MYO15B: variants seen among roughly 807,000 people sequenced by gnomAD.
MYO15B encodes the protein myosin XVB.
MYO15B carries 207 observed loss-of-function variants against 119.3 expected under a neutral mutation model. That is an observed-to-expected ratio of 1.73 (90% CI 1.55 to 1.95). The LOEUF is 1.95. Among genes scored for constraint, MYO15B ranks in the 30% most tolerant of loss-of-function variants. MYO15B has a pLI of 0.00. For synonymous variants in MYO15B, 966 were observed against 498.9 expected (o/e 1.94, Z -12.48); for missense variants, 2,264 against 1,203.1 (o/e 1.88, Z -13.04).
Position 75,597,377 on chromosome 17 carries a change from C to T in MYO15B, c.3525+478C>T, listed in dbSNP as rs1008856264. ...AAATAGCAGCCTCGTCCCTGTTTCCCGTTTCAGCGCGCGTCCACATGCAGT... is the reference window on the plus strand; with the variant it reads ...AAATAGCAGCCTCGTCCCTGTTTCCTGTTTCAGCGCGCGTCCACATGCAGT... On this transcript the variant is annotated intron_variant, in intron 14 of 63. Coordinates refer to ENST00000645453, the Ensembl canonical transcript of MYO15B. Among the ~76,000 whole-genome samples, 7 of 152,334 alleles carry T rather than the reference C, an allele frequency of 4.6e-5. No individual in the cohort carries two copies. The South Asian group carries it at 6.2e-4, about 14-fold the overall frequency.
At position 75,589,836 on chromosome 17, in the gene MYO15B, G is replaced by A. The variant is rs2056324170; in HGVS notation, c.1779G>A (p.Gly593=). ...ACAGTGAGGGGTGCAGGACGAGTGGGGAAGGGGTGTCCGGGCTTCGTCGCG... is the reference window on the plus strand; with the variant it reads ...ACAGTGAGGGGTGCAGGACGAGTGGAGAAGGGGTGTCCGGGCTTCGTCGCG... The change falls in exon 1 of 64, where the codon GGG becomes GGA. Residue 593 remains glycine (G), a synonymous_variant. Transcript: ENST00000645453. This position sits in a 1 kb window ranked among gnomAD's most constrained non-coding sequence, Gnocchi z 4.2. 3 of 398,566 alleles carry A rather than the reference G, an allele frequency of 7.5e-6. No individual in the cohort carries two copies. In the East Asian group the frequency reaches 1.1e-4, roughly 14 times the overall value. The allele number at this position is 398,566 out of a possible 1,614,324, so 24.7% of individuals were successfully genotyped here.
At position 75,589,527 on chromosome 17, in the gene MYO15B, G is replaced by A. The variant is rs1006721886; in HGVS notation, c.1470G>A (p.Glu490=). 47 of 398,588 alleles carry A rather than the reference G, an allele frequency of 1.2e-4. No individual in the cohort carries two copies. Among genetic ancestry groups the A allele is most frequent in the Non-Finnish European group, 2.0e-4 (45 of 226,110 alleles). The allele number at this position is 398,588 out of a possible 1,614,324, so 24.7% of individuals were successfully genotyped here. The stretch of plus-strand genomic sequence containing the variant: ...GAGGGTACGAGGGGTGGGGCCGTGA[G>A]CCCGGGCTGCGGCACCGTCTAGCGT... Residue 490 remains glutamate (E), a synonymous_variant, in exon 1 of 64, where the codon GAG becomes GAA. Coordinates refer to ENST00000645453, the Ensembl canonical transcript of MYO15B. The surrounding 1 kb of genome is among the most constrained non-coding windows in gnomAD (Gnocchi z 4.2).
chr17:75,588,996 G>A (rs1384961260), exon 1 of MYO15B: 4 of 397,874 alleles, frequency 1.0e-5, no homozygotes, highest in Non-Finnish European at 1.8e-5. Flanking sequence ...AGGTGCCAGC[G>A]GCGGCAGGCG....
At chr17:75,604,475 CCCCT>C (rs1598792602) in intron 19 of MYO15B, among the ~76,000 whole-genome samples, 1 of 141,726 alleles carries the variant, frequency 7.1e-6, no homozygotes, top group East Asian at 2.1e-4. Flanking sequence ...TCCTGCCACG[CCCCT>C]CCCTCCCTTC....
intron 26 of MYO15B, 30 bp from the exon 27 acceptor site, chr17:75,612,944 C>T (rs1022321979): frequency 7.1e-5 from 49 of 689,064 alleles, no homozygotes; most frequent in Admixed American, 2.6e-4. Context: ...GAGCCCCGCA[C>T]GTCCTGTCCT....
At position 75,610,960 on chromosome 17, in the gene MYO15B, G is replaced by A; in HGVS notation, c.4446+1G>A. ...GGCCTTGGAGAGAGTGCCAAGCATG[G>A]TAGGTGGCCTGGAAAGTGGGGGGTT... is the stretch of plus-strand genomic sequence containing the variant. On this transcript the variant is annotated splice_donor_variant, in intron 23 of 63. Transcript: ENST00000645453. LOFTEE classifies it high-confidence loss of function. The A allele has an allele frequency of 2.8e-6, 2 of 703,042 alleles. No individual in the cohort carries two copies. Among genetic ancestry groups the A allele is most frequent in the Non-Finnish European group, 5.2e-6 (2 of 385,010 alleles). The allele number at this position is 703,042 out of a possible 1,614,324, so 43.6% of individuals were successfully genotyped here. A position where few individuals can be genotyped will look rare whatever the true frequency, so the allele number is the denominator to read the frequency against.
exon 9 of MYO15B, chr17:75,592,685 G>T: frequency 4.3e-6 from 3 of 700,862 alleles, no homozygotes; most frequent in Non-Finnish European, 7.8e-6. Flanking sequence ...GCAGGGCCAG[G>T]CCTGCAGGCT....
rs184419465 is a variant in MYO15B, at chr17:75,593,166, C to T, written c.2991+326C>T. 15 of 183,656 alleles carry T rather than the reference C, an allele frequency of 8.2e-5. No individual in the cohort carries two copies. The East Asian group carries it at 1.9e-3, about 23-fold the overall frequency. The allele number at this position is 183,656 out of a possible 1,614,324, so 11.4% of individuals were successfully genotyped here. On this transcript the variant is annotated intron_variant, in intron 9 of 63. Transcript: ENST00000645453. ...TGTGAAGCCAGGAGTTTGAGACCAG[C>T]CTAGGCAACATAGAGAAACCCCGTC...
chr17:75,623,695 A>G lies in MYO15B; in HGVS notation c.8083-86A>G, dbSNP rs2058836877. On this transcript the variant is annotated intron_variant, in intron 53 of 63. Coordinates refer to ENST00000645453, the Ensembl canonical transcript of MYO15B. ...AGACATCTTGAGCCAGCCCCAGCCC[A>G]TGGCCTAGCAGGGTTTCTCCAGGGC... 16 of 684,020 alleles carry G rather than the reference A, an allele frequency of 2.3e-5. 1 individual carries two copies. Among genetic ancestry groups the G allele is most frequent in the South Asian group, 2.2e-4 (14 of 64,072 alleles). The allele number at this position is 684,020 out of a possible 1,614,324, so 42.4% of individuals were successfully genotyped here.
chr17:75,614,197 A>G lies in MYO15B; in HGVS notation c.5220-2A>G, dbSNP rs751513756. On this transcript the variant is annotated splice_acceptor_variant, in intron 29 of 63. Transcript: ENST00000645453. LOFTEE classifies it high-confidence loss of function. ...CTCACTGACTGGTCCCCTCCCACCC[A>G]GAGGCCTGGAGGCGCCTCCCCGGGG... is the stretch of plus-strand genomic sequence containing the variant. The G allele has an allele frequency of 4.4e-6, 3 of 688,490 alleles. No individual in the cohort carries two copies. The highest frequency in any genetic ancestry group is 7.9e-6 in the Non-Finnish European group (3 of 377,456). 42.6% of individuals were successfully genotyped at this position (688,490 alleles called of 1,614,324 possible).
intron 9 of MYO15B, 65 bp from the exon 10 acceptor site, chr17:75,594,410 G>A: frequency 3.5e-6 from 2 of 572,846 alleles, no homozygotes; most frequent in Non-Finnish European, 6.2e-6. Flanking sequence ...AGCCCGGCCT[G>A]CCCTGCCTGG....
At chr17:75,592,657 T>C (rs752895131) in intron 8 of MYO15B, 22 bp from the exon 9 acceptor site, 2 of 684,376 alleles carry the variant, frequency 2.9e-6, no homozygotes, top group South Asian at 3.0e-5. Flanking sequence ...CCCCGCTCCC[T>C]CACCCCTGCT....
At chr17:75,610,404 C>T (rs1377280821) in intron 22 of MYO15B, 145 bp downstream of exon 22, 14 of 536,904 alleles carry the variant, frequency 2.6e-5, no homozygotes, top group Non-Finnish European at 3.3e-5. Flanking sequence ...GAACTCATCC[C>T]TTTTCCCTCC....
chr17:75,620,081 C>G, intron 47 of MYO15B, 61 bp downstream of exon 47: 1 of 676,096 alleles, frequency 1.5e-6, no homozygotes, highest in Non-Finnish European at 2.7e-6. Context: ...CTGCATCTCC[C>G]TGTCCGTCTT....
intron 22 of MYO15B, chr17:75,610,688 G>A (rs901873672): frequency 1.7e-5 from 10 of 572,888 alleles, no homozygotes; most frequent in African/African-American, 5.6e-5. Context: ...CCCTCTTCCC[G>A]GTGCCCTGGC....
intron 23 of MYO15B, 21 bp downstream of exon 23, chr17:75,610,980 G>C (rs1198153752): frequency 1.4e-6 from 1 of 702,958 alleles, no homozygotes; most frequent in Non-Finnish European, 2.6e-6. Context: ...TGGAAAGTGG[G>C]GGGTTTTACA....
intron 60 of MYO15B, 57 bp downstream of exon 60, chr17:75,625,295 T>C: frequency 1.5e-6 from 1 of 654,072 alleles, no homozygotes. Context: ...GTCAAGGCCA[T>C]TTGACTGGTA....
chr17:75,611,700 G>C, intron 24 of MYO15B, 42 bp downstream of exon 24: 3 of 702,566 alleles, frequency 4.3e-6, no homozygotes, highest in Non-Finnish European at 7.8e-6. Flanking sequence ...TCCTTCTCCA[G>C]TCCCTTTACT....
exon 1 of MYO15B, chr17:75,588,990 G>A: frequency 2.5e-6 from 1 of 398,028 alleles, no homozygotes; most frequent in Non-Finnish European, 4.4e-6. Flanking sequence ...TGGGGCAGGT[G>A]CCAGCGGCGG....
Sources: allele counts gnomAD v4.1 joint callset (sites outside exome capture counted in the v4.1 genomes callset), GRCh38; gene constraint gnomAD v4.1.1; non-coding constraint Gnocchi (gnomAD v3.1); transcripts MANE v1.5; gene names NCBI Gene and HGNC (gene_info 2026-07-23, HGNC 2026-07-21).